Variants in DPY19L4 observed in about 807,000 individuals in gnomAD.
The protein encoded by DPY19L4 is dpy-19 like 4.
DPY19L4 carries 97 observed loss-of-function variants against 102.8 expected under a neutral mutation model. The observed-to-expected ratio is 0.94, with a 90% confidence interval of 0.80 to 1.12. The LOEUF (loss-of-function observed/expected upper bound fraction) is 1.12, where lower values mean the gene tolerates loss of function less well. Among genes scored for constraint, DPY19L4 ranks in the 50% most tolerant of loss-of-function variants. The pLI is 0.00. For missense variants in DPY19L4, 815 were observed against 850.4 expected, an observed-to-expected ratio of 0.96 and a Z score of 0.52; for synonymous variants, 252 against 283.1, an observed-to-expected ratio of 0.89 and a Z score of 1.10.
chr8:94,738,486 A>G (rs1811289763), intron 4 of DPY19L4, 27 bp downstream of exon 4: 1 of 1,372,688 alleles, frequency 7.3e-7, no homozygotes, highest in Admixed American at 2.5e-5. Flanking sequence ...TATATTTTTA[A>G]TAACAGTATT....
chr8:94,720,879 A>G (rs908472636), intron 1 of DPY19L4, among the ~76,000 whole-genome samples: 14 of 152,122 alleles, frequency 9.2e-5, no homozygotes, highest in Non-Finnish European at 2.1e-4. Flanking sequence ...TGGAAAACAC[A>G]ACTTTTTACC....
chr8:94,768,519 C>A lies in DPY19L4; in HGVS notation c.1300C>A (p.Leu434Ile). 1 of 1,561,690 alleles carries A rather than the reference C, an allele frequency of 6.4e-7. No homozygotes were observed. Among genetic ancestry groups the A allele is most frequent in the Non-Finnish European group, 8.7e-7 (1 of 1,144,218 alleles). ...CATTCTAGTGTTAATTATTTGTTTT[C>A]TTTCTATGTTGCAAGTTATTTTTAG... ...FYILVLIICF[L>I]SMLQVIFRRI... The change falls in exon 12 of 19, where the codon CTT becomes ATT. Residue 434 changes from leucine (L) to isoleucine (I), a missense_variant. Leu to Ile is a conservative substitution (Grantham distance 5, BLOSUM62 2). Transcript: ENST00000414645.
At chr8:94,771,661 C>G (rs556898151) in intron 13 of DPY19L4, among the ~76,000 whole-genome samples, 2 of 152,124 alleles carry the variant, frequency 1.3e-5, no homozygotes, top group African/African-American at 4.8e-5. Context: ...CTAGGTGAAC[C>G]AAAGAGGCAA....
intron 7 of DPY19L4, among the ~76,000 whole-genome samples, chr8:94,757,890 C>A (rs1443243554): frequency 6.6e-6 from 1 of 152,026 alleles, no homozygotes; most frequent in Non-Finnish European, 1.5e-5. Context: ...GCAGGCAAAT[C>A]ACCTGAGGTC....
At chr8:94,781,012 G>A in intron 15 of DPY19L4, 72 bp from the exon 16 acceptor site, 1 of 1,276,298 alleles carries the variant, frequency 7.8e-7, no homozygotes, top group Non-Finnish European at 1.1e-6. Context: ...AAATACTGTG[G>A]AACAGTTTTA....
chr8:94,758,001 A>C (rs1812237419), intron 7 of DPY19L4, among the ~76,000 whole-genome samples: 1 of 151,968 alleles, frequency 6.6e-6, no homozygotes, highest in Non-Finnish European at 1.5e-5. Flanking sequence ...ACTCCCAGCT[A>C]CTTGGGAGGC....
At chr8:94,753,238 A>G (rs1812024012) in intron 6 of DPY19L4, among the ~76,000 whole-genome samples, 1 of 152,156 alleles carries the variant, frequency 6.6e-6, no homozygotes, top group African/African-American at 2.4e-5. Context: ...TATTTTTCAA[A>G]AAAGAATAAG....
rs1033758347 is a variant in DPY19L4, at chr8:94,742,948, G to A, written c.611+3158G>A. Reference sequence around the variant, plus strand: ...TCAAACTCCTGACCTCAGGTGACCCGCCTGCCTTGGCTTCCCAAAGTGCTG... The same window carrying A: ...TCAAACTCCTGACCTCAGGTGACCCACCTGCCTTGGCTTCCCAAAGTGCTG... On this transcript the variant is annotated intron_variant, in intron 6 of 18. Coordinates refer to ENST00000414645, the MANE Select transcript of DPY19L4 (RefSeq NM_181787.3). Among the ~76,000 whole-genome samples the A allele has an allele frequency of 2.0e-5, 3 of 151,762 alleles. No individual in the cohort carries two copies. The South Asian group carries it at 6.3e-4, about 32-fold the overall frequency.
At chr8:94,741,703 T>C (rs1811451092) in intron 6 of DPY19L4, among the ~76,000 whole-genome samples, 1 of 152,208 alleles carries the variant, frequency 6.6e-6, no homozygotes, top group South Asian at 2.1e-4. Context: ...GTTGCTCAAA[T>C]TGTCACACCC....
Position 94,783,948 on chromosome 8 carries a change from T to C in DPY19L4, c.1848+146T>C. ...ATTAACTTCCATTTTAAAAAACCTTTTTAATTAATAATACAGTTAACCAAG... is the reference window on the plus strand; with the variant it reads ...ATTAACTTCCATTTTAAAAAACCTTCTTAATTAATAATACAGTTAACCAAG... On this transcript the variant is annotated intron_variant, in intron 17 of 18. Transcript: ENST00000414645. The C allele has an allele frequency of 3.2e-6, 3 of 952,368 alleles. No homozygotes were observed. The South Asian group carries it at 5.9e-5, about 19-fold the overall frequency. 59.0% of individuals were successfully genotyped at this position (952,368 alleles called of 1,614,324 possible). A position where few individuals can be genotyped will look rare whatever the true frequency, so the allele number is the denominator to read the frequency against.
chr8:94,774,442 A>G (rs1813077596), intron 13 of DPY19L4, among the ~76,000 whole-genome samples: 1 of 152,234 alleles, frequency 6.6e-6, no homozygotes, highest in African/African-American at 2.4e-5. Context: ...AGTGTTTAGT[A>G]TATTCACACA....
intron 2 of DPY19L4, among the ~76,000 whole-genome samples, chr8:94,726,795 C>T (rs2130786499): frequency 6.6e-6 from 1 of 152,146 alleles, no homozygotes; most frequent in East Asian, 1.9e-4. Context: ...CTTTTATTGG[C>T]CAAAGCAAGT....
intron 17 of DPY19L4, among the ~76,000 whole-genome samples, chr8:94,786,368 G>A (rs1362338934): frequency 2.6e-5 from 4 of 151,976 alleles, no homozygotes; most frequent in South Asian, 2.1e-4. Context: ...CAGGCAATCC[G>A]CCTACCCCTG....
intron 1 of DPY19L4, chr8:94,720,250 T>A: frequency 1.0e-6 from 1 of 985,092 alleles, no homozygotes; most frequent in Non-Finnish European, 1.2e-6. Flanking sequence ...GAGCTGAAAG[T>A]TGGGAATCCG....
chr8:94,739,445 G>C lies in DPY19L4; in HGVS notation c.376G>C (p.Val126Leu), dbSNP rs533084459. 6.3e-7 allele frequency: 1 copy of C among 1,594,594 alleles called. No homozygotes were observed. The highest frequency in any genetic ancestry group is 8.5e-7 in the Non-Finnish European group (1 of 1,174,618). Residue 126 changes from valine to leucine, a missense_variant, in exon 5 of 19, where the codon GTA (valine) becomes CTA (leucine). Physicochemically the swap from Val to Leu is conservative, Grantham distance 32. Coordinates refer to ENST00000414645, the MANE Select transcript of DPY19L4 (RefSeq NM_181787.3). ...CGAACTGACACACAATAACAAAACTGTATCTCTGAAGACTATAAATGCAGT... is the reference window on the plus strand; with the variant it reads ...CGAACTGACACACAATAACAAAACTCTATCTCTGAAGACTATAAATGCAGT... Reference protein sequence around the residue: ...VYELTHNNKTVSLKTINAVQQ... With the variant: ...VYELTHNNKTLSLKTINAVQQ...
chr8:94,779,390 A>T (rs1813331213), intron 14 of DPY19L4, among the ~76,000 whole-genome samples: 1 of 151,062 alleles, frequency 6.6e-6, no homozygotes, highest in South Asian at 2.1e-4. Context: ...TGGCACAGTC[A>T]TAGTTCACTT....
chr8:94,759,791 C>G (rs1036983353), intron 7 of DPY19L4, among the ~76,000 whole-genome samples: 2 of 152,216 alleles, frequency 1.3e-5, no homozygotes, highest in Non-Finnish European at 2.9e-5. Flanking sequence ...GTGTGAGCCA[C>G]TGTGCCCGGC....
rs1563598430 is a variant in DPY19L4 at position 94,761,837 on chromosome 8, A to G, written c.870+3A>G. On this transcript the variant is annotated splice_donor_region_variant and intron_variant, in intron 8 of 18. Transcript: ENST00000414645. ...TTTCAGTGGAGCAAAGTGACAAGGTATTATGGCATTTTGAAATGGTGATTT... is the reference window on the plus strand; with the variant it reads ...TTTCAGTGGAGCAAAGTGACAAGGTGTTATGGCATTTTGAAATGGTGATTT... 4 of 1,591,586 alleles carry G rather than the reference A, an allele frequency of 2.5e-6. No individual in the cohort carries two copies. Among genetic ancestry groups the G allele is most frequent in the East Asian group, 2.2e-5 (1 of 44,490 alleles).
intron 2 of DPY19L4, among the ~76,000 whole-genome samples, chr8:94,732,023 G>A (rs112234379): frequency 2.0e-5 from 3 of 151,918 alleles, no homozygotes; most frequent in East Asian, 1.9e-4. Flanking sequence ...CGCCTGCCTC[G>A]GCCTCCCAAA....
Sources: gnomAD v4.1 joint callset for allele counts (sites outside exome capture counted in the v4.1 genomes callset) on GRCh38, gnomAD v4.1.1 for gene constraint, MANE v1.5 for transcripts, NCBI Gene and HGNC (gene_info 2026-07-23, HGNC 2026-07-21) for gene names.